Variants in COL28A1 observed in about 807,000 individuals in gnomAD.
The protein encoded by COL28A1 is collagen type XXVIII alpha 1 chain.
Under a neutral mutation model 150.2 loss-of-function variants are expected in COL28A1, and 161 were observed. The observed-to-expected ratio is 1.07, with a 90% CI of 0.94 to 1.22. The LOEUF is 1.22. Ranked by LOEUF, COL28A1 falls within the 50% of genes most tolerant of loss-of-function variation. The pLI is 0.00. For missense variants in COL28A1, 1,617 were observed against 1,388.3 expected (o/e 1.16, Z -2.62); for synonymous variants, 552 against 469.7 (o/e 1.18, Z -2.26).
At chr7:7,351,767 G>T (rs1367959075), downstream of COL28A1, among the ~76,000 whole-genome samples, 1 of 152,062 alleles carries the variant, frequency 6.6e-6, no homozygotes, top group Admixed American at 6.6e-5. Context: ...GTATGTGTGT[G>T]TATGAGTGAG....
intron 9 of COL28A1, among the ~76,000 whole-genome samples, chr7:7,509,104 G>A (rs1400909852): frequency 1.3e-5 from 2 of 152,062 alleles, no homozygotes; most frequent in South Asian, 2.1e-4. Flanking sequence ...AAAGTGTTGG[G>A]ATTACAGGCA....
chr7:7,356,208 G>T (rs1186436214), downstream of COL28A1: 3 of 152,052 alleles, frequency 2.0e-5, no homozygotes, highest in African/African-American at 7.2e-5. Context: ...CACCATTTTT[G>T]TAAAACTGTA....
At chr7:7,349,362 A>C in the COL28A1 span, among the ~76,000 whole-genome samples, 3 of 152,058 alleles carry the variant, frequency 2.0e-5, no homozygotes, top group African/African-American at 7.2e-5. Flanking sequence ...TTTCTATCCC[A>C]GTATTAGCAC....
chr7:7,364,482 T>C (rs1780832216), intron 33 of COL28A1, among the ~76,000 whole-genome samples: 1 of 152,194 alleles, frequency 6.6e-6, no homozygotes. Flanking sequence ...CTTCCCACCA[T>C]CTGCTGCTGT....
chr7:7,417,509 G>GGGAAGGA (rs1784149740), intron 27 of COL28A1: 3 of 204,582 alleles, frequency 1.5e-5, no homozygotes, highest in African/African-American at 4.3e-5. Context: ...GGGAGGGGGA[G>GGGAAGGA]GGAAGGAGGG....
intron 18 of COL28A1, among the ~76,000 whole-genome samples, chr7:7,450,621 C>A (rs1196355939): frequency 3.3e-5 from 5 of 152,130 alleles, no homozygotes; most frequent in African/African-American, 1.2e-4. Context: ...GGTAGTATCA[C>A]AATTGAAGAC....
At chr7:7,451,779 T>C (rs546131817) in intron 18 of COL28A1, among the ~76,000 whole-genome samples, 15 of 152,302 alleles carry the variant, frequency 9.8e-5, no homozygotes, top group African/African-American at 3.6e-4. Context: ...ATGGCAGCTA[T>C]TATTACTATA....
chr7:7,388,963 G>T (rs1782368737), intron 27 of COL28A1, among the ~76,000 whole-genome samples: 1 of 152,176 alleles, frequency 6.6e-6, no homozygotes, highest in African/African-American at 2.4e-5. Flanking sequence ...TCACTCTGAT[G>T]ATAGTTTCTT....
At chr7:7,403,658 C>G (rs545692962) in intron 27 of COL28A1, among the ~76,000 whole-genome samples, 11 of 151,994 alleles carry the variant, frequency 7.2e-5, no homozygotes, top group African/African-American at 2.7e-4. Flanking sequence ...TGTCTCAGCA[C>G]GTAATATTTA....
In COL28A1 at chr7:7,443,582, T is replaced by C; in HGVS notation, c.1650+3A>G. The C allele has an allele frequency of 6.2e-7, 1 of 1,614,102 alleles. No homozygotes were observed. The highest frequency in any genetic ancestry group is 8.5e-7 in the Non-Finnish European group (1 of 1,179,988). On this transcript the variant is annotated splice_donor_region_variant and intron_variant, in intron 20 of 34. Coordinates refer to ENST00000399429, the MANE Select transcript of COL28A1 (RefSeq NM_001037763.3). Reference sequence around the variant, plus strand: ...GCTTCCACCAACACTGTCATTTCCATACCTTGGGGCCAGGCTGTCCTTTTC... The same window carrying C: ...GCTTCCACCAACACTGTCATTTCCACACCTTGGGGCCAGGCTGTCCTTTTC...
intron 8 of COL28A1, chr7:7,511,763 G>A (rs1393811774): frequency 2.1e-6 from 1 of 471,154 alleles, no homozygotes; most frequent in South Asian, 1.5e-5. Flanking sequence ...GAGGACTGCT[G>A]TAGGAGAGCC....
intron 11 of COL28A1, among the ~76,000 whole-genome samples, chr7:7,496,143 T>C (rs575919668): frequency 6.6e-6 from 1 of 152,360 alleles, no homozygotes; most frequent in East Asian, 1.9e-4. Context: ...ATCACTATTT[T>C]AGTATTGATA....
At chr7:7,409,308 T>C (rs1286881765) in intron 27 of COL28A1, among the ~76,000 whole-genome samples, 2 of 152,170 alleles carry the variant, frequency 1.3e-5, no homozygotes, top group Non-Finnish European at 2.9e-5. Flanking sequence ...AACTTATTCA[T>C]GTCTTTCACT....
chr7:7,465,532 G>T (rs1001351041), intron 15 of COL28A1, among the ~76,000 whole-genome samples: 1 of 138,736 alleles, frequency 7.2e-6, no homozygotes, highest in Non-Finnish European at 1.6e-5. Flanking sequence ...TGGGGGAGGG[G>T]CGCCCGCCAT....
intron 18 of COL28A1, among the ~76,000 whole-genome samples, chr7:7,449,492 T>C (rs1786515168): frequency 6.6e-6 from 1 of 151,972 alleles, no homozygotes; most frequent in African/African-American, 2.4e-5. Context: ...TTGAAGTCAT[T>C]TCTTTTAAAC....
At chr7:7,376,514 T>C (rs1781551657) in intron 30 of COL28A1, among the ~76,000 whole-genome samples, 1 of 152,184 alleles carries the variant, frequency 6.6e-6, no homozygotes, top group Non-Finnish European at 1.5e-5. Flanking sequence ...CTGAGTTATA[T>C]AATACAATTC....
At chr7:7,340,103 G>A in the COL28A1 span, among the ~76,000 whole-genome samples, 1 of 151,928 alleles carries the variant, frequency 6.6e-6, no homozygotes, top group Non-Finnish European at 1.5e-5. Context: ...CGGTTCTCCT[G>A]CCTCAGCCTC....
At chr7:7,383,395 C>T (rs1200555743) in intron 27 of COL28A1, among the ~76,000 whole-genome samples, 4 of 151,690 alleles carry the variant, frequency 2.6e-5, no homozygotes, top group Non-Finnish European at 5.9e-5. Flanking sequence ...TCTCCTGCCT[C>T]AGCCTCCTGA....
At chr7:7,385,640 C>A (rs963298497) in intron 27 of COL28A1, among the ~76,000 whole-genome samples, 2 of 152,104 alleles carry the variant, frequency 1.3e-5, no homozygotes, top group African/African-American at 4.8e-5. Flanking sequence ...TAGCTAAAAC[C>A]TACTGTTGTA....
Sources: gnomAD v4.1 joint callset for allele counts (sites outside exome capture counted in the v4.1 genomes callset) on GRCh38, gnomAD v4.1.1 for gene constraint, MANE v1.5 for transcripts, NCBI Gene and HGNC (gene_info 2026-07-23, HGNC 2026-07-21) for gene names.